CACNG4: variants seen among roughly 807,000 people sequenced by gnomAD.
CACNG4 encodes voltage-dependent calcium channel gamma-4 subunit.
CACNG4 carries 8 observed loss-of-function variants against 22.9 expected under a neutral mutation model. The observed-to-expected ratio is 0.35, with a 90% confidence interval of 0.21 to 0.63. CACNG4 has a LOEUF of 0.63. Among genes scored for constraint, CACNG4 ranks in the 30% least tolerant of loss-of-function variants. The pLI is 0.72. For missense variants in CACNG4, 357 were observed against 455.4 expected, an observed-to-expected ratio of 0.78 and a Z score of 1.97; for synonymous variants, 188 against 191.9, an observed-to-expected ratio of 0.98 and a Z score of 0.17.
intron 1 of CACNG4, among the ~76,000 whole-genome samples, chr17:67,016,811 T>C (rs1452131770): frequency 6.6e-6 from 1 of 151,972 alleles, no homozygotes; most frequent in Non-Finnish European, 1.5e-5. Context: ...TTCTCAGACT[T>C]CAGGGTAGCA....
At chr17:67,021,052 T>C (rs117377205) in intron 2 of CACNG4, among the ~76,000 whole-genome samples, 6,844 of 152,166 alleles carry the variant, frequency 0.045, 208 homozygotes, top group Middle Eastern at 0.078. Context: ...TAAAAATAAA[T>C]TAGCCAGAAG....
chr17:67,009,118 C>A (rs1032237133), intron 1 of CACNG4, among the ~76,000 whole-genome samples: 1 of 152,120 alleles, frequency 6.6e-6, no homozygotes, highest in Admixed American at 6.5e-5. Flanking sequence ...CAGAGATCAC[C>A]AGCAAACACC....
intron 1 of CACNG4, among the ~76,000 whole-genome samples, chr17:66,986,113 A>G (rs904352763): frequency 1.3e-5 from 2 of 152,230 alleles, no homozygotes; most frequent in African/African-American, 4.8e-5. Flanking sequence ...TTGTTCCCGG[A>G]TGCCTAAGAA....
Position 67,032,145 on chromosome 17 carries a change from G to GGAC in CACNG4, c.*1143_*1145dup, listed in dbSNP as rs1372387187. On this transcript the variant is annotated 3_prime_UTR_variant, in exon 4 of 4. Transcript: ENST00000262138. The stretch of plus-strand genomic sequence containing the variant: ...TAAGTTATTCTGCCACCACCTAACA[G>GGAC]GACGGAGTGGAGTGAGTTTGGATAA... The GGAC allele has an allele frequency of 5.3e-6, 2 of 380,884 alleles. No homozygotes were observed. Among genetic ancestry groups the GGAC allele is most frequent in the Non-Finnish European group, 1.0e-5 (2 of 192,886 alleles). 23.6% of individuals were successfully genotyped at this position (380,884 alleles called of 1,614,324 possible).
At chr17:66,966,878 C>T (rs1331247714) in intron 1 of CACNG4, among the ~76,000 whole-genome samples, 1 of 152,240 alleles carries the variant, frequency 6.6e-6, no homozygotes, top group East Asian at 1.9e-4. Context: ...CGAACACCTA[C>T]TCCTCTCCTC....
At chr17:66,978,668 CTGA>C (rs2035252799) in intron 1 of CACNG4, among the ~76,000 whole-genome samples, 1 of 152,222 alleles carries the variant, frequency 6.6e-6, no homozygotes, top group Non-Finnish European at 1.5e-5. Flanking sequence ...TCTGAAAAGC[CTGA>C]TAACAAGTGC....
Position 67,030,404 on chromosome 17 carries a change from G to A in CACNG4, c.446-62G>A. 6.9e-7 allele frequency: 1 copy of A among 1,447,522 alleles called. No individual in the cohort carries two copies. Among genetic ancestry groups the A allele is most frequent in the Non-Finnish European group, 9.6e-7 (1 of 1,042,796 alleles). 89.7% of individuals were successfully genotyped at this position (1,447,522 alleles called of 1,614,324 possible). On this transcript the variant is annotated intron_variant, in intron 3 of 3. Coordinates refer to ENST00000262138, the MANE Select transcript of CACNG4 (RefSeq NM_014405.4). The surrounding 1 kb of genome is among the most constrained non-coding windows in gnomAD (Gnocchi z 6.4). Reference sequence around the variant, plus strand: ...TTCCCTACACTGCCCGTCCCACTGTGGGTCTAACCTCTGCCTCTCTCCCTC... The same window carrying A: ...TTCCCTACACTGCCCGTCCCACTGTAGGTCTAACCTCTGCCTCTCTCCCTC...
chr17:66,965,566 G>C (rs1345870997), intron 1 of CACNG4, among the ~76,000 whole-genome samples: 3 of 150,458 alleles, frequency 2.0e-5, no homozygotes, highest in Admixed American at 1.3e-4. Flanking sequence ...GCGGACGGGA[G>C]GGGGGGAGGG....
chr17:66,980,936 G>T (rs1448849309), intron 1 of CACNG4, among the ~76,000 whole-genome samples: 1 of 151,950 alleles, frequency 6.6e-6, no homozygotes, highest in Non-Finnish European at 1.5e-5. Context: ...AAACATCTTT[G>T]CATTTCTTCC....
chr17:67,026,137 G>A (rs2035564019), intron 3 of CACNG4, among the ~76,000 whole-genome samples: 2 of 151,268 alleles, frequency 1.3e-5, no homozygotes, highest in African/African-American at 4.9e-5. Flanking sequence ...GAGGACTGTG[G>A]TGTGTTTGTG....
chr17:67,025,644 C>A (rs2035559876), intron 3 of CACNG4, among the ~76,000 whole-genome samples: 2 of 152,286 alleles, frequency 1.3e-5, no homozygotes, highest in Non-Finnish European at 2.9e-5. Flanking sequence ...TGCCCGATGT[C>A]CCCGGAAAGT....
intron 1 of CACNG4, among the ~76,000 whole-genome samples, chr17:67,014,491 G>A (rs1416757734): frequency 6.6e-6 from 1 of 152,170 alleles, no homozygotes; most frequent in East Asian, 1.9e-4. Context: ...GAAGCATGGA[G>A]TCCAGAGAAG....
At position 66,965,177 on chromosome 17, in the gene CACNG4, CACACACACATAT is replaced by C. The variant is rs1310787821; in HGVS notation, c.220+53_220+64del. On this transcript the variant is annotated intron_variant, in intron 1 of 3. Coordinates refer to ENST00000262138, the MANE Select transcript of CACNG4 (RefSeq NM_014405.4). ...TCGCCGCCCCACACACACACACACA[CACACACACATAT>C]ACACACGCGCGCGCGCGCGCGCGCA... 1.1e-5 allele frequency: 12 copies of C among 1,128,198 alleles called. No homozygotes were observed. In the East Asian group the frequency reaches 2.2e-4, roughly 21 times the overall value. The allele number at this position is 1,128,198 out of a possible 1,614,324, so 69.9% of individuals were successfully genotyped here.
At chr17:66,994,032 A>C (rs544378844) in intron 1 of CACNG4, among the ~76,000 whole-genome samples, 132 of 146,030 alleles carry the variant, frequency 9.0e-4, no homozygotes, top group African/African-American at 3.3e-3. Context: ...AAAAAAAAAA[A>C]ACATTTTTTT....
chr17:67,020,814 CT>C (rs2035527199), intron 2 of CACNG4, among the ~76,000 whole-genome samples: 2 of 152,302 alleles, frequency 1.3e-5, no homozygotes, highest in African/African-American at 4.8e-5. Flanking sequence ...CAGACTATGG[CT>C]CCTCAAAATA....
At chr17:67,013,967 A>C (rs2035482426) in intron 1 of CACNG4, among the ~76,000 whole-genome samples, 1 of 152,216 alleles carries the variant, frequency 6.6e-6, no homozygotes, top group African/African-American at 2.4e-5. Flanking sequence ...AGAATCTTCA[A>C]GCAGGACCGT....
At chr17:67,024,673 A>G (rs533737486) in intron 2 of CACNG4, among the ~76,000 whole-genome samples, 187 bp from the exon 3 acceptor site, 160 of 152,296 alleles carry the variant, frequency 1.1e-3, no homozygotes, top group African/African-American at 3.8e-3. Flanking sequence ...CCCCACTTGC[A>G]TCTGATCCAA....
intron 2 of CACNG4, among the ~76,000 whole-genome samples, chr17:67,018,614 A>G (rs1365444265): frequency 6.6e-6 from 1 of 152,146 alleles, no homozygotes; most frequent in Non-Finnish European, 1.5e-5. Flanking sequence ...AAGGAAGGTT[A>G]AAGATATAGG....
intron 1 of CACNG4, among the ~76,000 whole-genome samples, chr17:66,981,584 A>G (rs1315997272): frequency 6.6e-6 from 1 of 152,146 alleles, no homozygotes; most frequent in Admixed American, 6.5e-5. Context: ...GGGCCGAGAG[A>G]ACCACAGGAG....
Sources: allele counts gnomAD v4.1 joint callset (sites outside exome capture counted in the v4.1 genomes callset), GRCh38; gene constraint gnomAD v4.1.1; non-coding constraint Gnocchi (gnomAD v3.1); transcripts MANE v1.5; gene names NCBI Gene and HGNC (gene_info 2026-07-23, HGNC 2026-07-21).